Variants in CACNA1D observed in about 807,000 individuals in gnomAD.
CACNA1D encodes the protein calcium voltage-gated channel subunit alpha1 D.
Under a neutral mutation model 257.1 loss-of-function variants are expected in CACNA1D, and 55 were observed. The observed-to-expected ratio is 0.21, with a 90% CI of 0.17 to 0.27. CACNA1D has a LOEUF of 0.27. Among genes scored for constraint, CACNA1D ranks in the 10% least tolerant of loss-of-function variants. CACNA1D has a pLI of 1.00. For synonymous variants in CACNA1D, 980 were observed against 1,014.9 expected (o/e 0.97, Z 0.65); for missense variants, 1,876 against 2,784.0 (o/e 0.67, Z 7.34).
Position 53,786,802 on chromosome 3 carries a change from TG to T in CACNA1D, c.4793-19del. 1 of 1,461,742 alleles carries T rather than the reference TG, an allele frequency of 6.8e-7. No individual in the cohort carries two copies. Among genetic ancestry groups the T allele is most frequent in the Non-Finnish European group, 9.2e-7 (1 of 1,081,662 alleles). The allele number at this position is 1,461,742 out of a possible 1,614,324, so 90.5% of individuals were successfully genotyped here. Reference sequence around the variant, plus strand: ...CTAATGTGCTGATTCGGGAGAGCTCTGTCTGGTCTCTCCGTTTAGATGATGA... The same window carrying T: ...CTAATGTGCTGATTCGGGAGAGCTCTTCTGGTCTCTCCGTTTAGATGATGA... On this transcript the variant is annotated intron_variant, in intron 39 of 47. Transcript: ENST00000350061.
At chr3:53,724,408 G>A (rs1311477484) in intron 14 of CACNA1D, among the ~76,000 whole-genome samples, 1 of 152,204 alleles carries the variant, frequency 6.6e-6, no homozygotes, top group Non-Finnish European at 1.5e-5. Context: ...GAATTCTCAT[G>A]CCTCCATGCT....
chr3:53,642,738 G>A lies in CACNA1D; in HGVS notation c.484-8041G>A, dbSNP rs914809814. Reference sequence around the variant, plus strand: ...GGCCACCTCCATTTGTCATCCCTGGGCACATTCTAGACAGCATCTTGGGCC... The same window carrying A: ...GGCCACCTCCATTTGTCATCCCTGGACACATTCTAGACAGCATCTTGGGCC... On this transcript the variant is annotated intron_variant, in intron 3 of 47. Coordinates refer to ENST00000350061, the MANE Select transcript of CACNA1D (RefSeq NM_001128840.3). Among the ~76,000 whole-genome samples, 85 of 152,218 alleles carry A rather than the reference G, an allele frequency of 5.6e-4. 1 individual carries two copies. Among genetic ancestry groups the A allele is most frequent in the Admixed American group, 4.6e-4 (7 of 15,284 alleles).
At chr3:53,616,102 C>G (rs2093633462) in intron 3 of CACNA1D, among the ~76,000 whole-genome samples, 1 of 152,176 alleles carries the variant, frequency 6.6e-6, no homozygotes, top group Admixed American at 6.5e-5. Flanking sequence ...ATTCTTGCTC[C>G]AGTGACCCTG....
At chr3:53,645,131 T>C (rs2094005464) in intron 3 of CACNA1D, among the ~76,000 whole-genome samples, 2 of 152,242 alleles carry the variant, frequency 1.3e-5, no homozygotes, top group Admixed American at 6.5e-5. Flanking sequence ...TTTTGAGAAA[T>C]GTCCGTTCAG....
chr3:53,522,773 T>G (rs1358037644), intron 3 of CACNA1D, among the ~76,000 whole-genome samples: 1 of 152,230 alleles, frequency 6.6e-6, no homozygotes, highest in African/African-American at 2.4e-5. Context: ...TATTTCTTTG[T>G]GTTGGGAACA....
In CACNA1D at chr3:53,745,833, A is replaced by G. The variant is rs149327469; in HGVS notation, c.3125A>G (p.Tyr1042Cys). Residue 1042 changes from tyrosine (Y) to cysteine (C), a missense_variant, in exon 25 of 48, where the codon TAT (tyrosine) becomes TGT (cysteine). Transcript: ENST00000350061. Reference protein sequence around the residue: ...IGVQLFKGKFYRCTDEAKSNP... With the variant: ...IGVQLFKGKFCRCTDEAKSNP... Reference sequence around the variant, plus strand: ...CTATTTTATACCCAGGGGAAGTTCTATCGCTGTACGGATGAAGCCAAAAGT... The same window carrying G: ...CTATTTTATACCCAGGGGAAGTTCTGTCGCTGTACGGATGAAGCCAAAAGT... The G allele has an allele frequency of 6.8e-6, 11 of 1,613,706 alleles. No individual in the cohort carries two copies. The highest frequency in any genetic ancestry group is 6.6e-5 in the South Asian group (6 of 91,084).
At chr3:53,716,838 C>A (rs1223176820) in intron 9 of CACNA1D, among the ~76,000 whole-genome samples, 1 of 152,178 alleles carries the variant, frequency 6.6e-6, no homozygotes, top group Non-Finnish European at 1.5e-5. Flanking sequence ...CAGGGATCTT[C>A]TTTGGTATCC....
chr3:53,757,933 C>T (rs1185079420), intron 29 of CACNA1D, among the ~76,000 whole-genome samples: 3 of 152,206 alleles, frequency 2.0e-5, no homozygotes, highest in Non-Finnish European at 4.4e-5. Context: ...TACTCCATGT[C>T]TGCCTCTCTG....
intron 8 of CACNA1D, among the ~76,000 whole-genome samples, chr3:53,685,723 A>G (rs1437043456): frequency 6.6e-6 from 1 of 152,152 alleles, no homozygotes; most frequent in Non-Finnish European, 1.5e-5. Context: ...AAAAAATAAT[A>G]AAAATTAGAA....
At chr3:53,538,872 C>T (rs756909145) in intron 3 of CACNA1D, among the ~76,000 whole-genome samples, 9 of 152,170 alleles carry the variant, frequency 5.9e-5, no homozygotes, top group Admixed American at 2.0e-4. Flanking sequence ...AGAGAAAATG[C>T]ATACAGTACA....
Position 53,800,689 on chromosome 3 carries a change from C to G in CACNA1D, c.5040+324C>G. 1 of 491,514 alleles carries G rather than the reference C, an allele frequency of 2.0e-6. No homozygotes were observed. The highest frequency in any genetic ancestry group is 3.7e-6 in the Non-Finnish European group (1 of 269,254). 30.4% of individuals were successfully genotyped at this position (491,514 alleles called of 1,614,324 possible). ...CTGCCTTTGCTACCCTCCTCCTTCC[C>G]GGGCCAGCTCTTTGATCTGCCAGCT... On this transcript the variant is annotated intron_variant, in intron 41 of 47. Coordinates refer to ENST00000350061, the MANE Select transcript of CACNA1D (RefSeq NM_001128840.3). The surrounding 1 kb of genome is among the most constrained non-coding windows in gnomAD (Gnocchi z 4.3).
chr3:53,747,712 G>A (rs1331509297), intron 26 of CACNA1D, among the ~76,000 whole-genome samples: 1 of 152,224 alleles, frequency 6.6e-6, no homozygotes, highest in Non-Finnish European at 1.5e-5. Flanking sequence ...TCAGTCCCAT[G>A]AACTCCCATT....
chr3:53,718,284 C>A lies in CACNA1D; in HGVS notation c.1391-17C>A. 6.2e-7 allele frequency: 1 copy of A among 1,610,616 alleles called. No homozygotes were observed. The highest frequency in any genetic ancestry group is 8.5e-7 in the Non-Finnish European group (1 of 1,176,948). On this transcript the variant is annotated splice_polypyrimidine_tract_variant and intron_variant, in intron 9 of 47. Transcript: ENST00000350061. Reference sequence around the variant, plus strand: ...GTGTGCCCCGCATGCTCTCTGAAGCCCGTCTTCTCCCCACAGCTAGCATGC... The same window carrying A: ...GTGTGCCCCGCATGCTCTCTGAAGCACGTCTTCTCCCCACAGCTAGCATGC...
At chr3:53,707,286 G>A (rs2094700443) in intron 9 of CACNA1D, among the ~76,000 whole-genome samples, 2 of 152,102 alleles carry the variant, frequency 1.3e-5, no homozygotes, top group Admixed American at 1.3e-4. Flanking sequence ...TAATCTTGGG[G>A]TGGGAGCCAG....
In CACNA1D at chr3:53,731,421, A is replaced by G. The variant is rs7628839; in HGVS notation, c.2406+275A>G. On this transcript the variant is annotated intron_variant, in intron 17 of 47. Coordinates refer to ENST00000350061, the MANE Select transcript of CACNA1D (RefSeq NM_001128840.3). Reference sequence around the variant, plus strand: ...ATGTTTTCTTTATTGGAATTGTGCAATCAGCCCTGACCCGTGGTCAGGATC... The same window carrying G: ...ATGTTTTCTTTATTGGAATTGTGCAGTCAGCCCTGACCCGTGGTCAGGATC... 0.25 allele frequency among the ~76,000 whole-genome samples: 38,434 copies of G among 152,174 alleles called. 5,200 individuals are homozygous for G. The highest frequency in any genetic ancestry group is 0.33 in the African/African-American group (13,616 of 41,514).
At position 53,813,341 on chromosome 3, in the gene CACNA1D, C is replaced by T. The variant is rs1428890930; in HGVS notation, c.*1935C>T. Reference sequence around the variant, plus strand: ...AATAATTTTTATACTTGGGAGTGCTCCTTGCACAGAGCTGTCATTTGCCAG... The same window carrying T: ...AATAATTTTTATACTTGGGAGTGCTTCTTGCACAGAGCTGTCATTTGCCAG... On this transcript the variant is annotated 3_prime_UTR_variant, in exon 48 of 48. Coordinates refer to ENST00000350061, the MANE Select transcript of CACNA1D (RefSeq NM_001128840.3). 1.3e-5 allele frequency: 2 copies of T among 152,130 alleles called. No individual in the cohort carries two copies. The highest frequency in any genetic ancestry group is 4.8e-5 in the African/African-American group (2 of 41,430). 9.4% of individuals were successfully genotyped at this position (152,130 alleles called of 1,614,324 possible).
chr3:53,778,257 T>G (rs1442392626), intron 37 of CACNA1D, among the ~76,000 whole-genome samples: 4 of 152,172 alleles, frequency 2.6e-5, no homozygotes, highest in Non-Finnish European at 4.4e-5. Flanking sequence ...AAGAACAGTG[T>G]GGGATCCCGT....
intron 8 of CACNA1D, among the ~76,000 whole-genome samples, chr3:53,674,908 T>C (rs1244641272): frequency 6.6e-6 from 1 of 152,180 alleles, no homozygotes; most frequent in Non-Finnish European, 1.5e-5. Flanking sequence ...CTCACTCACT[T>C]TATCTTGCTC....
In CACNA1D at chr3:53,811,326, G is replaced by A. The variant is rs1171053901; in HGVS notation, c.6406G>A (p.Gly2136Ser). ...QDYELQDFGP[G>S]YSDEEPDPGR... ...CTATGAGCTACAGGACTTTGGTCCT[G>A]GCTACAGCGACGAAGAGCCAGACCC... The change falls in exon 48 of 48, where the codon GGC becomes AGC. Residue 2136 changes from glycine (G) to serine (S), a missense_variant. Around this residue, in one of 10 missense-constraint regions of CACNA1D, gnomAD observed 491 missense variants for 554.3 expected, o/e 0.89. Coordinates refer to ENST00000350061, the MANE Select transcript of CACNA1D (RefSeq NM_001128840.3). This position sits in a 1 kb window ranked among gnomAD's most constrained non-coding sequence, Gnocchi z 4.2. 2 of 1,608,368 alleles carry A rather than the reference G, an allele frequency of 1.2e-6. No individual in the cohort carries two copies. The highest frequency in any genetic ancestry group is 3.3e-5 in the Admixed American group (2 of 59,798).
Sources: gnomAD v4.1 joint callset for allele counts (sites outside exome capture counted in the v4.1 genomes callset) on GRCh38, gnomAD v4.1.1 for gene constraint, gnomAD v4.1.1 regional missense constraint, Gnocchi (gnomAD v3.1) non-coding constraint, MANE v1.5 for transcripts, NCBI Gene and HGNC (gene_info 2026-07-23, HGNC 2026-07-21) for gene names.